Variants in BMPR2 observed in about 807,000 individuals in gnomAD.
BMPR2 encodes the protein bone morphogenetic protein receptor type-2.
A neutral mutation model predicts 100.8 loss-of-function variants in BMPR2; 29 were observed. That is an observed-to-expected ratio of 0.29 (90% CI 0.21 to 0.39). BMPR2 has a LOEUF of 0.39. BMPR2 is among the 10% of genes least tolerant of loss of function. The pLI, the probability that BMPR2 is intolerant of heterozygous loss-of-function variation, is 1.00. For missense variants in BMPR2, 1,011 were observed against 1,274.5 expected (o/e 0.79, Z 3.15); for synonymous variants, 382 against 442.3 (o/e 0.86, Z 1.71).
chr2:202,420,161 ATAAT>A (rs900729301), intron 1 of BMPR2, among the ~76,000 whole-genome samples: 12 of 152,230 alleles, frequency 7.9e-5, no homozygotes, highest in African/African-American at 2.9e-4. Context: ...ATTGCTTATA[ATAAT>A]TAGGGAAATT....
Position 202,421,724 on chromosome 2 carries a change from GTC to G in BMPR2, c.77-43081_77-43080del, listed in dbSNP as rs145948830. 6.1e-3 allele frequency among the ~76,000 whole-genome samples: 892 copies of G among 146,146 alleles called. 13 individuals are homozygous for G. The highest frequency in any genetic ancestry group is 0.021 in the African/African-American group (831 of 39,032). On this transcript the variant is annotated intron_variant, in intron 1 of 12. Coordinates refer to ENST00000374580, the MANE Select transcript of BMPR2 (RefSeq NM_001204.7). ...GTAGACTAGAAGCTTCCCTTTCCCA[GTC>G]TCTGCCCATTAAAAAAAAAAAAAAG...
chr2:202,494,230 T>C (rs1692970960), intron 3 of BMPR2, among the ~76,000 whole-genome samples: 1 of 152,270 alleles, frequency 6.6e-6, no homozygotes, highest in African/African-American at 2.4e-5. Context: ...TAAATGTTTT[T>C]CTCTACTTGT....
chr2:202,424,070 CAA>C (rs773518674), intron 1 of BMPR2, among the ~76,000 whole-genome samples: 28 of 58,760 alleles, frequency 4.8e-4, no homozygotes, highest in Admixed American at 1.8e-3. Context: ...AAGACTGTCT[CAA>C]AAAAAAAAAA....
intron 1 of BMPR2, among the ~76,000 whole-genome samples, chr2:202,446,407 A>C (rs1691850091): frequency 6.6e-6 from 1 of 150,614 alleles, no homozygotes; most frequent in East Asian, 1.9e-4. Context: ...TCAAAAAAAA[A>C]AGAAAGAAAA....
intron 1 of BMPR2, among the ~76,000 whole-genome samples, chr2:202,402,097 C>T (rs1176788793): frequency 3.3e-5 from 5 of 152,230 alleles, no homozygotes; most frequent in Non-Finnish European, 4.4e-5. Context: ...AGACCCCAGA[C>T]TTCCCTGCCA....
chr2:202,377,223 G>C lies in BMPR2; in HGVS notation c.-252G>C, dbSNP rs1690168462. 1.7e-6 allele frequency: 1 copy of C among 605,954 alleles called. No individual in the cohort carries two copies. 37.5% of individuals were successfully genotyped at this position (605,954 alleles called of 1,614,324 possible). A position where few individuals can be genotyped will look rare whatever the true frequency, so the allele number is the denominator to read the frequency against. ...TTCCCCACAGACATGCCTTCCGTTTGGAGGGCCGCGGCACCCCGTCCGAGG... is the reference window on the plus strand; with the variant it reads ...TTCCCCACAGACATGCCTTCCGTTTCGAGGGCCGCGGCACCCCGTCCGAGG... On this transcript the variant is annotated 5_prime_UTR_variant, in exon 1 of 13. Coordinates refer to ENST00000374580, the MANE Select transcript of BMPR2 (RefSeq NM_001204.7).
chr2:202,522,196 C>T lies in BMPR2; in HGVS notation c.967+1995C>T, dbSNP rs560302445. Among the ~76,000 whole-genome samples, 135 of 151,490 alleles carry T rather than the reference C, an allele frequency of 8.9e-4. 1 individual carries two copies. Among genetic ancestry groups the T allele is most frequent in the African/African-American group, 3.1e-3 (127 of 41,306 alleles). ...AAACGAAAGAAAAAGAACTTCAAGA[C>T]TTACAGGGACCATTAAGAATTTAAT... is the stretch of plus-strand genomic sequence containing the variant. On this transcript the variant is annotated intron_variant, in intron 7 of 12. Transcript: ENST00000374580.
chr2:202,377,260 C>G lies in BMPR2; in HGVS notation c.-215C>G. On this transcript the variant is annotated 5_prime_UTR_variant, in exon 1 of 13. Coordinates refer to ENST00000374580, the MANE Select transcript of BMPR2 (RefSeq NM_001204.7). The stretch of plus-strand genomic sequence containing the variant: ...CACCCCGTCCGAGGCGAAGGAACCC[C>G]CCCAGCCGCGAGGGAGAGAAATGAA... 1.6e-6 allele frequency: 1 copy of G among 633,716 alleles called. No homozygotes were observed. Among genetic ancestry groups the G allele is most frequent in the Non-Finnish European group, 2.9e-6 (1 of 348,144 alleles). 39.3% of individuals were successfully genotyped at this position (633,716 alleles called of 1,614,324 possible). A position where few individuals can be genotyped will look rare whatever the true frequency, so the allele number is the denominator to read the frequency against.
intron 1 of BMPR2, among the ~76,000 whole-genome samples, chr2:202,431,047 G>A (rs993837698): frequency 6.7e-6 from 1 of 150,156 alleles, no homozygotes; most frequent in Non-Finnish European, 1.5e-5. Context: ...GATTTTTCAC[G>A]ATTAGAGGAG....
At chr2:202,502,695 A>T (rs889382695) in intron 3 of BMPR2, among the ~76,000 whole-genome samples, 2 of 152,124 alleles carry the variant, frequency 1.3e-5, no homozygotes, top group African/African-American at 2.4e-5. Flanking sequence ...CGAGGCCTAG[A>T]CCTCCTCACT....
intron 10 of BMPR2, among the ~76,000 whole-genome samples, chr2:202,551,441 T>C (rs13018043): frequency 0.12 from 17,913 of 151,344 alleles, 1,181 homozygotes; most frequent in Admixed American, 0.14. Context: ...GGAGAATCAC[T>C]TGAACCCGGG....
At chr2:202,387,634 GGTTTT>G in intron 1 of BMPR2, among the ~76,000 whole-genome samples, 1 of 152,064 alleles carries the variant, frequency 6.6e-6, no homozygotes, top group Admixed American at 6.6e-5. Flanking sequence ...AAATATCTTA[GGTTTT>G]GTTTTATGTG....
At chr2:202,458,754 G>T (rs1692170896) in intron 1 of BMPR2, among the ~76,000 whole-genome samples, 1 of 152,052 alleles carries the variant, frequency 6.6e-6, no homozygotes, top group African/African-American at 2.4e-5. Context: ...ACTTCAATTT[G>T]TATCTGCCTA....
chr2:202,528,700 C>A (rs548891602), intron 7 of BMPR2, among the ~76,000 whole-genome samples: 2 of 152,276 alleles, frequency 1.3e-5, no homozygotes, highest in African/African-American at 4.8e-5. Context: ...TTGAATATCT[C>A]ATGTGATTTA....
At chr2:202,504,474 G>A (rs1687478473) in intron 3 of BMPR2, among the ~76,000 whole-genome samples, 1 of 151,730 alleles carries the variant, frequency 6.6e-6, no homozygotes, top group Admixed American at 6.6e-5. Flanking sequence ...AAACCCACCA[G>A]AAGGAAGAAA....
chr2:202,527,573 C>T (rs1251125437), intron 7 of BMPR2, among the ~76,000 whole-genome samples: 1 of 149,080 alleles, frequency 6.7e-6, no homozygotes, highest in Non-Finnish European at 1.5e-5. Flanking sequence ...ATCATGAGGT[C>T]AGGAGATCGA....
In BMPR2 at chr2:202,532,798, A is replaced by C. The variant is rs1688053563; in HGVS notation, c.1276+66A>C. Reference sequence around the variant, plus strand: ...GCAGTTATATCTTCTTTCTCTACCTATAGTACCTAACTCAACTTTTATGTA... The same window carrying C: ...GCAGTTATATCTTCTTTCTCTACCTCTAGTACCTAACTCAACTTTTATGTA... On this transcript the variant is annotated intron_variant, in intron 9 of 12. Transcript: ENST00000374580. This position sits in a 1 kb window ranked among gnomAD's most constrained non-coding sequence, Gnocchi z 4.1. 15 of 1,534,880 alleles carry C rather than the reference A, an allele frequency of 9.8e-6. No homozygotes were observed. The East Asian group carries it at 3.4e-4, about 35-fold the overall frequency.
At chr2:202,447,695 G>C (rs1488004680) in intron 1 of BMPR2, among the ~76,000 whole-genome samples, 1 of 150,650 alleles carries the variant, frequency 6.6e-6, no homozygotes, top group Non-Finnish European at 1.5e-5. Flanking sequence ...CACAAGAAGA[G>C]AGAAATGATT....
At chr2:202,527,284 G>A (rs1266776373) in intron 7 of BMPR2, among the ~76,000 whole-genome samples, 2 of 151,716 alleles carry the variant, frequency 1.3e-5, no homozygotes, top group Non-Finnish European at 2.9e-5. Context: ...TCAAGAAATC[G>A]AAACCATTCT....
Sources: allele counts gnomAD v4.1 joint callset (sites outside exome capture counted in the v4.1 genomes callset), GRCh38; gene constraint gnomAD v4.1.1; non-coding constraint Gnocchi (gnomAD v3.1); transcripts MANE v1.5; gene names NCBI Gene and HGNC (gene_info 2026-07-23, HGNC 2026-07-21).